Variants in GSAP observed in about 807,000 individuals in gnomAD.
The protein encoded by GSAP is gamma-secretase activating protein.
GSAP carries 118 observed loss-of-function variants against 131.7 expected under a neutral mutation model. That is an observed-to-expected ratio of 0.90 (90% confidence interval 0.77 to 1.04). The LOEUF (loss-of-function observed/expected upper bound fraction) is 1.04. GSAP is among the 50% of genes least tolerant of loss of function. The probability of loss-of-function intolerance (pLI) is 0.00; values close to 1 mark genes in which losing one functional copy is unlikely to be tolerated. For missense variants in GSAP, 1,019 were observed against 1,013.2 expected (o/e 1.01, Z -0.08); for synonymous variants, 381 against 363.4 (o/e 1.05, Z -0.55).
intron 6 of GSAP, 99 bp downstream of exon 6, chr7:77,387,261 T>A (rs992529524): frequency 3.5e-5 from 24 of 687,364 alleles, no homozygotes; most frequent in Non-Finnish European, 6.1e-5. Context: ...GTTCTGAGGA[T>A]TAAATATGAT....
chr7:77,338,361 T>C (rs1481722580), intron 19 of GSAP, among the ~76,000 whole-genome samples: 1 of 152,184 alleles, frequency 6.6e-6, no homozygotes, highest in Non-Finnish European at 1.5e-5. Context: ...TTAGTGTTTT[T>C]AAAATGACTT....
intron 1 of GSAP, among the ~76,000 whole-genome samples, chr7:77,407,562 G>C (rs1802504256): frequency 6.6e-6 from 1 of 151,972 alleles, no homozygotes. Context: ...CCTATTGTCA[G>C]TTATATGTTT....
At chr7:77,397,058 C>T (rs1486833253) in intron 4 of GSAP, 23 bp from the exon 5 acceptor site, 1 of 1,520,070 alleles carries the variant, frequency 6.6e-7, no homozygotes. Flanking sequence ...GAAAAAAAAT[C>T]CATTAGCAAT....
chr7:77,342,276 T>C (rs1233881844), intron 19 of GSAP, among the ~76,000 whole-genome samples: 2 of 152,150 alleles, frequency 1.3e-5, no homozygotes, highest in African/African-American at 2.4e-5. Context: ...ATACAGAGGA[T>C]ACCCACTCCA....
intron 5 of GSAP, 34 bp from the exon 6 acceptor site, chr7:77,387,482 T>G (rs757608388): frequency 3.7e-6 from 4 of 1,087,260 alleles, no homozygotes; most frequent in South Asian, 1.3e-5. Flanking sequence ...GTAACGAAGA[T>G]TGTAATATCA....
chr7:77,399,240 G>T (rs779807645), intron 3 of GSAP, among the ~76,000 whole-genome samples: 4 of 152,130 alleles, frequency 2.6e-5, no homozygotes, highest in African/African-American at 2.4e-5. Flanking sequence ...TAGGCAAAAA[G>T]ACAATTAGTG....
rs561389598 is a variant in GSAP, at chr7:77,330,100, T to C, written c.1674+139A>G. 3.2e-5 allele frequency: 32 copies of C among 1,005,694 alleles called. 1 individual carries two copies. In the South Asian group the frequency reaches 5.7e-4, roughly 18 times the overall value. 62.3% of individuals were successfully genotyped at this position (1,005,694 alleles called of 1,614,324 possible). ...ATAGAAGCATCTCTGCCCATTGAGA[T>C]CAGTAATGACAATGATCAAGTCCCT... On this transcript the variant is annotated intron_variant, in intron 20 of 30. Coordinates refer to ENST00000257626, the MANE Select transcript of GSAP (RefSeq NM_017439.4).
At position 77,381,329 on chromosome 7, in the gene GSAP, G is replaced by A. The variant is rs765405084; in HGVS notation, c.552C>T (p.Val184=). The change falls in exon 8 of 31, where the codon GTC becomes GTT. Residue 184 remains valine, a synonymous_variant. Coordinates refer to ENST00000257626, the MANE Select transcript of GSAP (RefSeq NM_017439.4). ...EKYIEQFRIH[V]AQEDGNRVVI... Reference sequence around the variant, plus strand: ...CCACTCTATTTCCATCTTCTTGGGCGACATGGATACGAAATTGTTCAATAT... The same window carrying A: ...CCACTCTATTTCCATCTTCTTGGGCAACATGGATACGAAATTGTTCAATAT... The A allele has an allele frequency of 1.3e-5, 21 of 1,556,554 alleles. No homozygotes were observed. The Middle Eastern group carries it at 6.8e-4, about 50-fold the overall frequency.
intron 6 of GSAP, among the ~76,000 whole-genome samples, chr7:77,383,707 A>G (rs1798113802): frequency 6.6e-6 from 1 of 152,238 alleles, no homozygotes; most frequent in Admixed American, 6.5e-5. Flanking sequence ...AGGATGACTC[A>G]AAAGGGCAAT....
chr7:77,346,584 C>T (rs1056607324), intron 19 of GSAP, among the ~76,000 whole-genome samples: 2 of 150,876 alleles, frequency 1.3e-5, no homozygotes, highest in African/African-American at 4.9e-5. Flanking sequence ...ATGACATGTA[C>T]GTGTAGTCCT....
At chr7:77,334,415 G>A (rs1789629062) in intron 19 of GSAP, among the ~76,000 whole-genome samples, 1 of 151,708 alleles carries the variant, frequency 6.6e-6, no homozygotes, top group Admixed American at 6.6e-5. Flanking sequence ...ACACACTGGG[G>A]CCTGTTGGGG....
chr7:77,405,366 T>C (rs1418167186), intron 2 of GSAP, among the ~76,000 whole-genome samples: 2 of 152,238 alleles, frequency 1.3e-5, no homozygotes, highest in East Asian at 3.8e-4. Context: ...AGTAATCATA[T>C]TTAATATTTT....
At chr7:77,386,801 T>A (rs1221957571) in intron 6 of GSAP, among the ~76,000 whole-genome samples, 1 of 152,194 alleles carries the variant, frequency 6.6e-6, no homozygotes, top group Non-Finnish European at 1.5e-5. Context: ...TCAACCTCAA[T>A]TGCGAATGTG....
intron 3 of GSAP, among the ~76,000 whole-genome samples, chr7:77,402,551 C>T (rs1241557036): frequency 2.8e-4 from 33 of 117,890 alleles, no homozygotes; most frequent in Non-Finnish European, 5.1e-4. Flanking sequence ...GCTGAGATGG[C>T]GCCACTGCAC....
At chr7:77,408,525 C>A (rs886125226) in intron 1 of GSAP, among the ~76,000 whole-genome samples, 3 of 151,528 alleles carry the variant, frequency 2.0e-5, no homozygotes, top group East Asian at 3.9e-4. Context: ...ATGGTGAAAC[C>A]CAATCTCTAC....
chr7:77,402,679 G>T (rs1429232207), intron 3 of GSAP, among the ~76,000 whole-genome samples: 1 of 140,122 alleles, frequency 7.1e-6, no homozygotes, highest in Admixed American at 7.4e-5. Flanking sequence ...CCATCAAAAG[G>T]TCCGTAAAAA....
At chr7:77,396,849 G>T in intron 5 of GSAP, 133 bp downstream of exon 5, 2 of 506,992 alleles carry the variant, frequency 3.9e-6, no homozygotes, top group Non-Finnish European at 3.4e-6. Context: ...TGCTTGACAT[G>T]ACCTTTGCCT....
chr7:77,324,677 CT>C (rs1788086719), intron 23 of GSAP, among the ~76,000 whole-genome samples: 1 of 152,038 alleles, frequency 6.6e-6, no homozygotes, highest in South Asian at 2.1e-4. Context: ...ATAGTGCATA[CT>C]TCTTTGTGCT....
chr7:77,340,161 C>A (rs758058945), intron 19 of GSAP, among the ~76,000 whole-genome samples: 11 of 152,200 alleles, frequency 7.2e-5, no homozygotes, highest in Non-Finnish European at 1.5e-4. Context: ...CGACTGAGCA[C>A]CTTGTGACAC....
Sources: gnomAD v4.1 joint callset for allele counts (sites outside exome capture counted in the v4.1 genomes callset) on GRCh38, gnomAD v4.1.1 for gene constraint, MANE v1.5 for transcripts, NCBI Gene and HGNC (gene_info 2026-07-23, HGNC 2026-07-21) for gene names.